Variants in KCNIP1 observed in about 807,000 individuals in gnomAD.
KCNIP1 encodes the protein A-type potassium channel modulatory protein KCNIP1.
Under a neutral mutation model 33.0 loss-of-function variants are expected in KCNIP1, and 18 were observed. The ratio of observed to expected loss-of-function variants is 0.55; its 90% confidence interval spans 0.38 to 0.81. KCNIP1 has a LOEUF of 0.81. Among genes scored for constraint, KCNIP1 ranks in the 30% least tolerant of loss-of-function variants. KCNIP1 has a pLI of 0.00. For synonymous variants in KCNIP1, 93 were observed against 98.3 expected, an observed-to-expected ratio of 0.95 and a Z score of 0.32; for missense variants, 238 against 271.6, an observed-to-expected ratio of 0.88 and a Z score of 0.87.
At chr5:170,430,497 A>C (rs1755716458) in intron 1 of KCNIP1, among the ~76,000 whole-genome samples, 1 of 152,170 alleles carries the variant, frequency 6.6e-6, no homozygotes, top group Admixed American at 6.5e-5. Context: ...TCTCCCTGAC[A>C]ATGATTCCAG....
chr5:170,434,264 G>C lies in KCNIP1; in HGVS notation c.88+80300G>C, dbSNP rs191291822. On this transcript the variant is annotated intron_variant, in intron 1 of 7. Transcript: ENST00000377360. ...AAGATTCATATTAAGTGAGAATTAC[G>C]CATGTACGCATATACATACAAGATT... 2.6e-3 allele frequency among the ~76,000 whole-genome samples: 403 copies of C among 152,136 alleles called. 3 individuals are homozygous for C. Among genetic ancestry groups the C allele is most frequent in the Non-Finnish European group, 2.6e-3 (180 of 68,008 alleles).
At chr5:170,507,646 A>G (rs1754769687) in intron 1 of KCNIP1, among the ~76,000 whole-genome samples, 1 of 152,214 alleles carries the variant, frequency 6.6e-6, no homozygotes, top group South Asian at 2.1e-4. Flanking sequence ...CTGCTCAATT[A>G]AAATCCTGAA....
At chr5:170,726,903 C>T (rs1287038002) in intron 5 of KCNIP1, among the ~76,000 whole-genome samples, 5 of 151,520 alleles carry the variant, frequency 3.3e-5, no homozygotes, top group South Asian at 2.1e-4. Context: ...AGAGCAAGAC[C>T]CTGTCTCAAA....
rs754046147 is a variant in KCNIP1, at chr5:170,418,156, C to T, written c.88+64192C>T. Among the ~76,000 whole-genome samples the T allele has an allele frequency of 3.9e-5, 6 of 152,286 alleles. No homozygotes were observed. In the South Asian group the frequency reaches 8.3e-4, roughly 21 times the overall value. Reference sequence around the variant, plus strand: ...TTCAAATAACCCCTTCCCGGCTGGGCGCAGTGGCTCATGCCTGTAATCCCA... The same window carrying T: ...TTCAAATAACCCCTTCCCGGCTGGGTGCAGTGGCTCATGCCTGTAATCCCA... On this transcript the variant is annotated intron_variant, in intron 1 of 7. Transcript: ENST00000377360.
chr5:170,361,035 C>A (rs941681273), intron 1 of KCNIP1, among the ~76,000 whole-genome samples: 2 of 152,224 alleles, frequency 1.3e-5, no homozygotes, highest in African/African-American at 4.8e-5. Flanking sequence ...AGGGTCAGTG[C>A]AAACAAGACC....
intron 1 of KCNIP1, among the ~76,000 whole-genome samples, chr5:170,556,992 C>A (rs1756867774): frequency 6.6e-6 from 1 of 152,188 alleles, no homozygotes; most frequent in Non-Finnish European, 1.5e-5. Flanking sequence ...CCACCATTTC[C>A]ATATGCTGGC....
chr5:170,633,669 G>T lies in KCNIP1; in HGVS notation c.62-85089G>T, dbSNP rs1186452178. On this transcript the variant is annotated intron_variant, in intron 1 of 7. Transcript: ENST00000328939. ...GGAGAGGAGAGGTCAGAGAGATGGC[G>T]GTGGGCGGAAGGAGGGGGCGGGGCG... Among the ~76,000 whole-genome samples the T allele has an allele frequency of 4.5e-5, 6 of 134,282 alleles. No homozygotes were observed. The East Asian group carries it at 7.6e-4, about 17-fold the overall frequency. The allele number at this position is 134,282 out of a possible 152,430, so 88.1% of individuals were successfully genotyped here.
intron 1 of KCNIP1, among the ~76,000 whole-genome samples, chr5:170,664,003 T>C (rs1464939508): frequency 6.6e-6 from 1 of 152,182 alleles, no homozygotes; most frequent in Non-Finnish European, 1.5e-5. Context: ...CAAAGTCATA[T>C]TTCCAAGACA....
chr5:170,376,781 C>A (rs899400774), intron 1 of KCNIP1: 41 of 152,110 alleles, frequency 2.7e-4, no homozygotes, highest in Admixed American at 2.4e-3. Context: ...AGACTTAATA[C>A]CTGGGTGATG....
At chr5:170,488,435 A>G (rs1161734006) in intron 1 of KCNIP1, among the ~76,000 whole-genome samples, 1 of 152,206 alleles carries the variant, frequency 6.6e-6, no homozygotes, top group African/African-American at 2.4e-5. Context: ...TCCTTCCTTC[A>G]AGGGTTTTCC....
chr5:170,383,817 A>T, intron 1 of KCNIP1: 1 of 1,614,082 alleles, frequency 6.2e-7, no homozygotes, highest in South Asian at 1.1e-5. Context: ...TGTTGGTCTC[A>T]ATCAGGTGGC....
At chr5:170,359,157 G>C (rs1445048172) in intron 1 of KCNIP1, among the ~76,000 whole-genome samples, 1 of 152,164 alleles carries the variant, frequency 6.6e-6, no homozygotes, top group African/African-American at 2.4e-5. Flanking sequence ...TCTCAGGCAG[G>C]TGTGCAGGCC....
intron 1 of KCNIP1, chr5:170,383,116 T>G: frequency 6.0e-6 from 1 of 167,026 alleles, no homozygotes; most frequent in Non-Finnish European, 1.3e-5. Context: ...TGGTGGTGAG[T>G]TTTGTGTTTT....
intron 1 of KCNIP1, among the ~76,000 whole-genome samples, chr5:170,357,212 A>G (rs1171195257): frequency 6.6e-6 from 1 of 152,018 alleles, no homozygotes; most frequent in East Asian, 1.9e-4. Flanking sequence ...CGGACCCTGC[A>G]CTGTGGCTCG....
chr5:170,591,681 G>A (rs140396397), intron 1 of KCNIP1, among the ~76,000 whole-genome samples: 82 of 152,220 alleles, frequency 5.4e-4, no homozygotes, highest in Non-Finnish European at 9.6e-4. Context: ...TAGGTACCTC[G>A]TATAATTGGA....
intron 1 of KCNIP1, among the ~76,000 whole-genome samples, chr5:170,531,377 G>A (rs1018984241): frequency 1.3e-5 from 2 of 152,182 alleles, no homozygotes; most frequent in African/African-American, 4.8e-5. Flanking sequence ...CTCCACTTAA[G>A]TTTTGCTGAT....
At chr5:170,374,452 A>G (rs1328299045) in intron 1 of KCNIP1, among the ~76,000 whole-genome samples, 1 of 152,188 alleles carries the variant, frequency 6.6e-6, no homozygotes, top group Non-Finnish European at 1.5e-5. Flanking sequence ...GCTTGGACTG[A>G]TGAGCTGAAG....
intron 1 of KCNIP1, among the ~76,000 whole-genome samples, chr5:170,699,988 C>T (rs531565575): frequency 6.6e-6 from 1 of 152,312 alleles, no homozygotes; most frequent in African/African-American, 2.4e-5. Flanking sequence ...TGTTGGCTGT[C>T]CCTAAAACTG....
rs1015365022 is a variant in KCNIP1 at position 170,475,333 on chromosome 5, A to G, written c.88+121369A>G. On this transcript the variant is annotated intron_variant, in intron 1 of 7. Transcript: ENST00000377360. ...TTCTGCACATTTATTTCAGCCTCAC[A>G]TTGACCAGCTCCTGCGTGCCAGGCA... Among the ~76,000 whole-genome samples, 7 of 152,312 alleles carry G rather than the reference A, an allele frequency of 4.6e-5. No individual in the cohort carries two copies. The East Asian group carries it at 1.4e-3, about 29-fold the overall frequency.
Sources: gnomAD v4.1 joint callset for allele counts (sites outside exome capture counted in the v4.1 genomes callset) on GRCh38, gnomAD v4.1.1 for gene constraint, MANE v1.5 for transcripts, NCBI Gene and HGNC (gene_info 2026-07-23, HGNC 2026-07-21) for gene names.